The following ASXL3 variants were observed in gnomAD, a reference collection of about 807,000 sequenced individuals.
ASXL3 encodes the protein ASXL transcriptional regulator 3.
Under a neutral mutation model 170.6 loss-of-function variants are expected in ASXL3, and 34 were observed. The observed-to-expected ratio is 0.20, with a 90% CI of 0.15 to 0.27. ASXL3 has a LOEUF of 0.27. Ranked by LOEUF, ASXL3 falls within the 10% of genes least tolerant of loss-of-function variation. The probability of loss-of-function intolerance (pLI) is 1.00; values close to 1 mark genes in which losing one functional copy is unlikely to be tolerated. For missense variants in ASXL3, 2,592 were observed against 2,695.3 expected (o/e 0.96, Z 0.85); for synonymous variants, 1,002 against 989.1 (o/e 1.01, Z -0.24).
intron 8 of ASXL3, among the ~76,000 whole-genome samples, chr18:33,694,329 A>C (rs1381516022): frequency 6.6e-6 from 1 of 152,174 alleles, no homozygotes; most frequent in Non-Finnish European, 1.5e-5. Context: ...GTACTTTATA[A>C]AATGTGTCTA....
Position 33,609,948 on chromosome 18 carries a change from C to G in ASXL3, c.137+2272C>G, listed in dbSNP as rs557771129. On this transcript the variant is annotated intron_variant, in intron 2 of 11. Transcript: ENST00000269197. ...TTCCCCCTTCTTGTCAATGGTAATC[C>G]ATTACTTATGGCTCATGCATCTCTG... Among the ~76,000 whole-genome samples the G allele has an allele frequency of 4.6e-5, 7 of 152,002 alleles. No individual in the cohort carries two copies. The East Asian group carries it at 1.4e-3, about 30-fold the overall frequency.
intron 2 of ASXL3, among the ~76,000 whole-genome samples, chr18:33,613,911 T>C (rs2065377729): frequency 6.6e-6 from 1 of 152,022 alleles, no homozygotes; most frequent in Non-Finnish European, 1.5e-5. Context: ...GGTGACTGAG[T>C]GAGACCCTGT....
chr18:33,692,492 CTCA>C (rs2066702180), intron 8 of ASXL3, among the ~76,000 whole-genome samples: 1 of 152,282 alleles, frequency 6.6e-6, no homozygotes, highest in South Asian at 2.1e-4. Context: ...CCAGCTCCTT[CTCA>C]TCCACCAGGG....
intron 4 of ASXL3, chr18:33,649,446 G>A (rs2065964013): frequency 6.6e-6 from 1 of 152,092 alleles, no homozygotes; most frequent in Non-Finnish European, 1.5e-5. Flanking sequence ...AGGGGAGGTA[G>A]TTTTGTAGAC....
At chr18:33,717,231 C>A (rs1303606497) in intron 8 of ASXL3, among the ~76,000 whole-genome samples, 1 of 152,024 alleles carries the variant, frequency 6.6e-6, no homozygotes, top group African/African-American at 2.4e-5. Flanking sequence ...ACTAGAGCAA[C>A]AAAACATTAA....
intron 4 of ASXL3, among the ~76,000 whole-genome samples, chr18:33,650,466 C>A (rs1407612174): frequency 6.6e-6 from 1 of 151,790 alleles, no homozygotes; most frequent in Non-Finnish European, 1.5e-5. Flanking sequence ...GGAAGACAGC[C>A]AGATTTTGTA....
chr18:33,705,305 A>C (rs7234149), intron 8 of ASXL3, among the ~76,000 whole-genome samples: 94,458 of 150,702 alleles, frequency 0.63, 30,127 homozygotes, highest in East Asian at 0.94. Context: ...TTGGGATACC[A>C]TCCCACCAAC....
chr18:33,641,517 A>G (rs981346825), intron 2 of ASXL3, among the ~76,000 whole-genome samples: 2 of 152,072 alleles, frequency 1.3e-5, no homozygotes. Flanking sequence ...CTGCTTATTT[A>G]TTTCTAGTTA....
chr18:33,633,276 C>A, intron 2 of ASXL3, among the ~76,000 whole-genome samples: 1 of 152,070 alleles, frequency 6.6e-6, no homozygotes, highest in East Asian at 1.9e-4. Flanking sequence ...ACAAAGAGAA[C>A]ACTATATAAA....
rs184935446 is a variant in ASXL3 at position 33,684,034 on chromosome 18, A to T, written c.879+466A>T. On this transcript the variant is annotated intron_variant, in intron 8 of 11. Transcript: ENST00000269197. ...TCAGTATGAATATGATTGCCTATAA[A>T]TAATCACCTTTTACCATTTTTAAAA... Among the ~76,000 whole-genome samples the T allele has an allele frequency of 4.3e-3, 657 of 152,300 alleles. 3 individuals carry two copies. Among genetic ancestry groups the T allele is most frequent in the Non-Finnish European group, 8.0e-3 (541 of 68,010 alleles).
intron 10 of ASXL3, among the ~76,000 whole-genome samples, chr18:33,734,813 A>G (rs1044049477): frequency 6.6e-6 from 1 of 152,176 alleles, no homozygotes; most frequent in East Asian, 1.9e-4. Flanking sequence ...ACTGTGTCTA[A>G]TGCATTTTAA....
At chr18:33,732,329 T>C (rs2067464176) in intron 9 of ASXL3, among the ~76,000 whole-genome samples, 1 of 152,234 alleles carries the variant, frequency 6.6e-6, no homozygotes. Context: ...ATGGTAATTT[T>C]AATGACATTG....
chr18:33,743,604 T>A lies in ASXL3; in HGVS notation c.3756T>A (p.His1252Gln). Residue 1252 changes from histidine (H) to glutamine (Q), a missense_variant, in exon 12 of 12, where the codon CAT (histidine) becomes CAA (glutamine). Coordinates refer to ENST00000269197, the MANE Select transcript of ASXL3 (RefSeq NM_030632.3). ...CTATATCGGGAGCAATTAAAGAACA[T>A]CCCTTTGTGAGTTCTGTTGATAAAT... ...STAISGAIKE[H>Q]PFVSSVDKSS... 6.2e-7 allele frequency: 1 copy of A among 1,613,422 alleles called. No individual in the cohort carries two copies. The highest frequency in any genetic ancestry group is 8.5e-7 in the Non-Finnish European group (1 of 1,179,862).
At chr18:33,591,482 C>T (rs894412372) in intron 1 of ASXL3, among the ~76,000 whole-genome samples, 3 of 152,138 alleles carry the variant, frequency 2.0e-5, no homozygotes, top group Non-Finnish European at 2.9e-5. Flanking sequence ...CTCATCCTTT[C>T]TCCAATTTTT....
At chr18:33,681,663 T>C (rs983803092) in intron 7 of ASXL3, among the ~76,000 whole-genome samples, 1 of 152,040 alleles carries the variant, frequency 6.6e-6, no homozygotes, top group African/African-American at 2.4e-5. Context: ...GGTATCTTTC[T>C]TGAGATTTGG....
intron 8 of ASXL3, among the ~76,000 whole-genome samples, chr18:33,726,062 T>C (rs2067344999): frequency 6.6e-6 from 1 of 152,184 alleles, no homozygotes; most frequent in South Asian, 2.1e-4. Context: ...AGACATCTAC[T>C]GGGAATTATA....
Position 33,739,746 on chromosome 18 carries a change from C to T in ASXL3, c.2342C>T (p.Pro781Leu), listed in dbSNP as rs201776257. 484 of 1,613,658 alleles carry T rather than the reference C, an allele frequency of 3.0e-4. No individual in the cohort carries two copies. Among genetic ancestry groups the T allele is most frequent in the Middle Eastern group, 9.9e-4 (6 of 6,084 alleles). The change falls in exon 11 of 12, where the codon CCG becomes CTG. Residue 781 changes from proline to leucine, a missense_variant. Physicochemically the swap from Pro to Leu is moderately conservative, Grantham distance 98. Transcript: ENST00000269197. ...TCTGTATCTGAAGAGCCACTCTCCC[C>T]GCAGAAAGATGAGTCTTCCGCCACT... The part of the protein sequence containing the change: ...SPSVSEEPLS[P>L]QKDESSATAK...
In ASXL3 at chr18:33,647,678, T is replaced by C. The variant is rs543433131; in HGVS notation, c.355+1325T>C. ...AGCGCTCATGTGCTCTCTCAACATA[T>C]ATACTGAGCTTCTTTCATGTGCCAA... On this transcript the variant is annotated intron_variant, in intron 4 of 11. Coordinates refer to ENST00000269197, the MANE Select transcript of ASXL3 (RefSeq NM_030632.3). Among the ~76,000 whole-genome samples, 15 of 152,172 alleles carry C rather than the reference T, an allele frequency of 9.9e-5. No homozygotes were observed. The South Asian group carries it at 2.1e-3, about 21-fold the overall frequency.
At chr18:33,713,828 C>T (rs4432315) in intron 8 of ASXL3, among the ~76,000 whole-genome samples, 84,258 of 151,984 alleles carry the variant, frequency 0.55, 23,814 homozygotes, top group East Asian at 0.87. Context: ...CGTGAACAAC[C>T]GTTATAAAAG....
Sources: allele counts gnomAD v4.1 joint callset (sites outside exome capture counted in the v4.1 genomes callset), GRCh38; gene constraint gnomAD v4.1.1; transcripts MANE v1.5; gene names NCBI Gene and HGNC (gene_info 2026-07-23, HGNC 2026-07-21).